LGALS14: variants seen among roughly 807,000 people sequenced by gnomAD.
The protein encoded by LGALS14 is galectin 14, also known as placental protein 13-like.
A neutral mutation model predicts 14.6 loss-of-function variants in LGALS14; 14 were observed. The ratio of observed to expected loss-of-function variants is 0.96; its 90% CI spans 0.64 to 1.50. The LOEUF (loss-of-function observed/expected upper bound fraction) is 1.50, where lower values mean the gene tolerates loss of function less well. LGALS14 is among the 40% of genes most tolerant of loss of function. The pLI, the probability that LGALS14 is intolerant of heterozygous loss-of-function variation, is 0.00. For missense variants in LGALS14, 180 were observed against 172.0 expected (o/e 1.05, Z -0.26); for synonymous variants, 57 against 63.9 (o/e 0.89, Z 0.51).
intron 1 of LGALS14, chr19:39,705,894 C>A (rs1287958198): frequency 1.2e-6 from 2 of 1,611,824 alleles, no homozygotes; most frequent in Non-Finnish European, 8.5e-7. Context: ...AGAAATCAAT[C>A]ATTCCCTCCA....
intron 3 of LGALS14, among the ~76,000 whole-genome samples, chr19:39,708,148 T>A (rs1057403285): frequency 6.6e-6 from 1 of 152,190 alleles, no homozygotes; most frequent in Non-Finnish European, 1.5e-5. Context: ...CATGTAGATA[T>A]GTCTATGATT....
intron 1 of LGALS14, chr19:39,705,879 G>A (rs370541317): frequency 3.1e-5 from 50 of 1,611,160 alleles, no homozygotes; most frequent in African/African-American, 1.9e-4. Context: ...ACTTGCAGTC[G>A]TCGTAGAAAT....
At chr19:39,709,172 T>C (rs1973761096) in intron 3 of LGALS14, 25 bp from the exon 4 acceptor site, 2 of 1,425,172 alleles carry the variant, frequency 1.4e-6, no homozygotes, top group Non-Finnish European at 2.0e-6. Context: ...CATGCTGTCT[T>C]TCTGATGCAT....
chr19:39,705,906 T>C (rs1269285201), intron 1 of LGALS14: 5 of 1,613,414 alleles, frequency 3.1e-6, no homozygotes, highest in Non-Finnish European at 4.2e-6. Context: ...TTCCCTCCAG[T>C]TATGTCCCTG....
At chr19:39,706,440 T>A (rs954118364) in intron 1 of LGALS14, among the ~76,000 whole-genome samples, 157 bp from the exon 2 acceptor site, 10 of 152,120 alleles carry the variant, frequency 6.6e-5, no homozygotes, top group African/African-American at 2.2e-4. Flanking sequence ...ATCCACCATA[T>A]CTTCAGGAAT....
In LGALS14 at chr19:39,707,290, T is replaced by C; in HGVS notation, c.205T>C (p.Phe69Leu). ...TCCTGCAATCATGAACAGTTGTGTG[T>C]TTGGCATATGGAGATATGAGGAGAA... is the stretch of plus-strand genomic sequence containing the variant. ...GHPAIMNSCV[F>L]GIWRYEEKCY... Residue 69 changes from phenylalanine to leucine, a missense_variant, in exon 3 of 4, where the codon TTT becomes CTT. Phe to Leu is a conservative substitution (Grantham distance 22). Coordinates refer to ENST00000392052, the MANE Select transcript of LGALS14 (RefSeq NM_020129.3). 1 of 1,614,118 alleles carries C rather than the reference T, an allele frequency of 6.2e-7. No homozygotes were observed. The highest frequency in any genetic ancestry group is 8.5e-7 in the Non-Finnish European group (1 of 1,179,928).
chr19:39,707,096 G>A, intron 2 of LGALS14, 82 bp from the exon 3 acceptor site: 1 of 1,118,028 alleles, frequency 8.9e-7, no homozygotes, highest in Non-Finnish European at 1.4e-6. Flanking sequence ...TGGGTAAAGG[G>A]GGGAAGGGAT....
chr19:39,707,036 C>T lies in LGALS14; in HGVS notation c.93-142C>T, dbSNP rs1973724421. On this transcript the variant is annotated intron_variant, in intron 2 of 3. Coordinates refer to ENST00000392052, the MANE Select transcript of LGALS14 (RefSeq NM_020129.3). ...TGCCTGGGGGCATGAGGAGCTAAAG[C>T]GTCCCCACAGGGACCAGGACTGCAG... is the stretch of plus-strand genomic sequence containing the variant. The T allele has an allele frequency of 8.8e-6, 6 of 680,178 alleles. No homozygotes were observed. The Admixed American group carries it at 1.1e-4, about 13-fold the overall frequency. 42.1% of individuals were successfully genotyped at this position (680,178 alleles called of 1,614,324 possible).
intron 1 of LGALS14, 109 bp from the exon 2 acceptor site, chr19:39,706,488 C>G (rs1458650368): frequency 2.6e-6 from 2 of 769,428 alleles, no homozygotes; most frequent in South Asian, 3.2e-5. Context: ...AGGGGAGAGG[C>G]CTCAGAGTCT....
At chr19:39,706,157 G>A in intron 1 of LGALS14, 2 of 1,204,812 alleles carry the variant, frequency 1.7e-6, no homozygotes, top group Non-Finnish European at 2.3e-6. Flanking sequence ...AATAAGGCAG[G>A]TCAGTGTTTC....
In LGALS14 at chr19:39,705,303, G is replaced by A. The variant is rs530788257; in HGVS notation, c.15+760G>A. On this transcript the variant is annotated intron_variant, in intron 1 of 3. Coordinates refer to ENST00000392052, the MANE Select transcript of LGALS14 (RefSeq NM_020129.3). ...GTTCCTCAGGTGGGGACTGCACAGA[G>A]TGATCACTGGCTTTTGCCTCCCAGG... Among the ~76,000 whole-genome samples, 95 of 152,312 alleles carry A rather than the reference G, an allele frequency of 6.2e-4. 2 individuals are homozygous for A. The highest frequency in any genetic ancestry group is 2.2e-3 in the African/African-American group (93 of 41,566).
chr19:39,706,638 C>T lies in LGALS14; in HGVS notation c.57C>T (p.Cys19=), dbSNP rs143548297. Residue 19 remains cysteine, a synonymous_variant, in exon 2 of 4, where the codon TGC becomes TGT. Transcript: ENST00000392052. Reference sequence around the variant, plus strand: ...CTGTTTCCTTGCCTGTTGGTTCGTGCGTGATAATCACAGGGACACCGATCC... The same window carrying T: ...CTGTTTCCTTGCCTGTTGGTTCGTGTGTGATAATCACAGGGACACCGATCC... ...TLPVSLPVGS[C]VIITGTPILT... is the part of the protein sequence containing the mutation. The T allele has an allele frequency of 3.4e-5, 55 of 1,613,876 alleles. No homozygotes were observed. The highest frequency in any genetic ancestry group is 8.3e-5 in the Admixed American group (5 of 60,024).
At chr19:39,707,873 G>C (rs1335308828) in intron 3 of LGALS14, among the ~76,000 whole-genome samples, 1 of 151,966 alleles carries the variant, frequency 6.6e-6, no homozygotes, top group Non-Finnish European at 1.5e-5. Flanking sequence ...GCAGTGGCGT[G>C]ATCACAGCTC....
At chr19:39,705,991 A>C in intron 1 of LGALS14, 1 of 1,613,880 alleles carries the variant, frequency 6.2e-7, no homozygotes, top group Non-Finnish European at 8.5e-7. Context: ...AAGGACGTCC[A>C]TTGCCCTTGA....
rs1021483396 is a variant in LGALS14 at position 39,707,131 on chromosome 19, T to A, written c.93-47T>A. On this transcript the variant is annotated intron_variant, in intron 2 of 3. Coordinates refer to ENST00000392052, the MANE Select transcript of LGALS14 (RefSeq NM_020129.3). ...TTTGTGTGTGTGGCGAGTGTGTGTCTGCACAATGGGGGGACCTGCCCAACA... is the reference window on the plus strand; with the variant it reads ...TTTGTGTGTGTGGCGAGTGTGTGTCAGCACAATGGGGGGACCTGCCCAACA... 2.1e-6 allele frequency: 3 copies of A among 1,438,978 alleles called. No individual in the cohort carries two copies. The African/African-American group carries it at 4.2e-5, about 20-fold the overall frequency. The allele number at this position is 1,438,978 out of a possible 1,614,324, so 89.1% of individuals were successfully genotyped here. A position where few individuals can be genotyped will look rare whatever the true frequency, so the allele number is the denominator to read the frequency against.
At chr19:39,705,272 G>A (rs945101872) in intron 1 of LGALS14, among the ~76,000 whole-genome samples, 1 of 152,166 alleles carries the variant, frequency 6.6e-6, no homozygotes, top group Non-Finnish European at 1.5e-5. Flanking sequence ...GATTATGGGA[G>A]AGATGGTTCC....
chr19:39,704,503 G>A lies in LGALS14; in HGVS notation c.-26G>A, dbSNP rs761552565. On this transcript the variant is annotated 5_prime_UTR_variant, in exon 1 of 4. Transcript: ENST00000392052. ...CACACAGAAGACTGGACACAATTCC[G>A]AAGAGCTGCCCAGAAGGAGAGAACA... is the stretch of plus-strand genomic sequence containing the variant. The A allele has an allele frequency of 6.8e-6, 11 of 1,613,036 alleles. 1 individual carries two copies. Among genetic ancestry groups the A allele is most frequent in the South Asian group, 4.4e-5 (4 of 91,030 alleles).
At chr19:39,707,531 TCTGCTTGCA>T in intron 3 of LGALS14, 143 bp downstream of exon 3, 1 of 708,954 alleles carries the variant, frequency 1.4e-6, no homozygotes, top group Non-Finnish European at 2.5e-6. Flanking sequence ...CAGAGCACCC[TCTGCTTGCA>T]CTGCCATCCT....
At chr19:39,708,144 G>C (rs1308376979) in intron 3 of LGALS14, among the ~76,000 whole-genome samples, 1 of 152,152 alleles carries the variant, frequency 6.6e-6, no homozygotes, top group Non-Finnish European at 1.5e-5. Context: ...GAAGCATGTA[G>C]ATATGTCTAT....
Sources: gnomAD v4.1 joint callset for allele counts (sites outside exome capture counted in the v4.1 genomes callset) on GRCh38, gnomAD v4.1.1 for gene constraint, MANE v1.5 for transcripts, NCBI Gene and HGNC (gene_info 2026-07-23, HGNC 2026-07-21) for gene names.